The following NMRK2 variants were observed in gnomAD, a reference collection of about 807,000 sequenced individuals.
The protein encoded by NMRK2 is nicotinamide riboside kinase 2.
In NMRK2, 34 loss-of-function variants were observed where a neutral mutation model predicts 24.7. The observed-to-expected ratio is 1.37, with a 90% CI of 1.05 to 1.83. NMRK2 has a LOEUF of 1.83. NMRK2 is among the 40% of genes most tolerant of loss of function. The pLI, the probability that NMRK2 is intolerant of heterozygous loss-of-function variation, is 0.00. For missense variants in NMRK2, 341 were observed against 315.0 expected (o/e 1.08, Z -0.62); for synonymous variants, 145 against 125.6 (o/e 1.15, Z -1.03).
At chr19:3,940,541 G>A (rs569953243) in intron 6 of NMRK2, among the ~76,000 whole-genome samples, 2 of 151,706 alleles carry the variant, frequency 1.3e-5, no homozygotes, top group African/African-American at 4.8e-5. Flanking sequence ...TTTGAGACCA[G>A]CCTGGCCAAC....
chr19:3,936,915 C>A (rs1049483620), intron 3 of NMRK2, among the ~76,000 whole-genome samples: 4 of 152,160 alleles, frequency 2.6e-5, no homozygotes, highest in African/African-American at 9.7e-5. Flanking sequence ...ACAGTGGGGA[C>A]CCCAGTTAGA....
At chr19:3,938,569 T>G (rs770166077) in intron 4 of NMRK2, 34 bp from the exon 5 acceptor site, 1 of 1,488,832 alleles carries the variant, frequency 6.7e-7, no homozygotes, top group South Asian at 1.3e-5. Flanking sequence ...CCCCAGGGTC[T>G]GCCCTCCTGC....
chr19:3,937,989 G>A (rs1447808942), intron 4 of NMRK2, among the ~76,000 whole-genome samples: 43 of 69,028 alleles, frequency 6.2e-4, no homozygotes, highest in Admixed American at 1.3e-3. Context: ...CTCCTGCAAT[G>A]CCCGCTCCCC....
chr19:3,938,251 C>T (rs2039252122), intron 4 of NMRK2, among the ~76,000 whole-genome samples: 2 of 127,170 alleles, frequency 1.6e-5, no homozygotes, highest in African/African-American at 3.0e-5. Context: ...CCCCGGGGTC[C>T]ACCCTCCTGC....
Position 3,933,544 on chromosome 19 carries a change from A to T in NMRK2, c.-128A>T. ...GGCCGCCTCCCCCGGGGCGGCCTCC[A>T]GGCTGCCGAGACCTATAAAGGCGCC... On this transcript the variant is annotated 5_prime_UTR_variant, in exon 2 of 8. Transcript: ENST00000168977. The T allele has an allele frequency of 1.7e-6, 2 of 1,143,304 alleles. No individual in the cohort carries two copies. Among genetic ancestry groups the T allele is most frequent in the Non-Finnish European group, 1.2e-6 (1 of 840,750 alleles). 70.8% of individuals were successfully genotyped at this position (1,143,304 alleles called of 1,614,324 possible).
chr19:3,938,749 T>TA lies in NMRK2; in HGVS notation c.314dup (p.Tyr105Ter). ...CCTCCTCCTGGAAGGCTTCCTGCTCTACAGCTACAAGTAAACATCTGCAGG... is the reference window on the plus strand; with the variant it reads ...CCTCCTCCTGGAAGGCTTCCTGCTCTAACAGCTACAAGTAAACATCTGCAGG... ...HILLLEGFLL[Y>*]SYKPLVDLYS... The change falls in exon 5 of 8, where the codon TAC becomes TAAC. Residue 105 changes from tyrosine to a stop codon, truncating the protein, a stop_gained and frameshift_variant. Transcript: ENST00000168977. LOFTEE classifies it high-confidence loss of function. 6.3e-7 allele frequency: 1 copy of TA among 1,584,120 alleles called. No homozygotes were observed. Among genetic ancestry groups the TA allele is most frequent in the Non-Finnish European group, 8.6e-7 (1 of 1,162,870 alleles).
Position 3,942,259 on chromosome 19 carries a change from C to A in NMRK2, c.679C>A (p.Gln227Lys). The stretch of plus-strand genomic sequence containing the variant: ...AACGGCCAGGCCTGCAGCGTCCCAG[C>A]AGGACAGCATGTGAGCGTTTCCCTA... ...HRTARPAASQ[Q>K]DSM Residue 227 changes from glutamine to lysine, a missense_variant, in exon 8 of 8, where the codon CAG (glutamine) becomes AAG (lysine). Transcript: ENST00000168977. 6.2e-7 allele frequency: 1 copy of A among 1,609,498 alleles called. No homozygotes were observed. Among genetic ancestry groups the A allele is most frequent in the Non-Finnish European group, 8.5e-7 (1 of 1,178,640 alleles).
intron 2 of NMRK2, among the ~76,000 whole-genome samples, chr19:3,934,551 G>A (rs918772778): frequency 1.4e-5 from 1 of 70,098 alleles, no homozygotes; most frequent in Admixed American, 2.1e-4. Flanking sequence ...TTTGTTTTTT[G>A]GGGTTTTTTT....
chr19:3,942,239 C>T lies in NMRK2; in HGVS notation c.659C>T (p.Ala220Val), dbSNP rs745997876. ...GPGRGCGHRT[A>V]RPAASQQDSM ...GGACGCGGATGCGGCCACAGAACGG[C>T]CAGGCCTGCAGCGTCCCAGCAGGAC... Residue 220 changes from alanine (A) to valine (V), a missense_variant, in exon 8 of 8, where the codon GCC (alanine) becomes GTC (valine). Transcript: ENST00000168977. The T allele has an allele frequency of 1.9e-6, 3 of 1,612,092 alleles. No individual in the cohort carries two copies. The highest frequency in any genetic ancestry group is 2.2e-5 in the East Asian group (1 of 44,870).
intron 7 of NMRK2, among the ~76,000 whole-genome samples, chr19:3,941,863 G>A (rs1413230814): frequency 1.3e-5 from 2 of 152,116 alleles, no homozygotes; most frequent in East Asian, 1.9e-4. Context: ...GGCTGGTTTC[G>A]AACTCCTGAC....
Position 3,933,630 on chromosome 19 carries a change from G to C in NMRK2, c.-42G>C. Reference sequence around the variant, plus strand: ...CGCACTGCGTGGTCGCACCCTACCCGGGCTGCCTTGGAAGTCGTCCCCGCC... The same window carrying C: ...CGCACTGCGTGGTCGCACCCTACCCCGGCTGCCTTGGAAGTCGTCCCCGCC... On this transcript the variant is annotated 5_prime_UTR_variant, in exon 2 of 8. Transcript: ENST00000168977. 4 of 1,518,250 alleles carry C rather than the reference G, an allele frequency of 2.6e-6. No individual in the cohort carries two copies. Among genetic ancestry groups the C allele is most frequent in the African/African-American group, 2.8e-5 (2 of 70,570 alleles). 94.0% of individuals were successfully genotyped at this position (1,518,250 alleles called of 1,614,324 possible).
Position 3,942,150 on chromosome 19 carries a change from G to T in NMRK2, c.570G>T (p.Ser190=), listed in dbSNP as rs768503652. ...AAGTCCTGGAAGACATTCAGAACTC[G>T]CTGCTGAACCGCTCCCAGGAATCAG... ...FREVLEDIQN[S]LLNRSQESAP... The change falls in exon 8 of 8, where the codon TCG becomes TCT. Residue 190 remains serine (S), a synonymous_variant. Transcript: ENST00000168977. The T allele has an allele frequency of 1.5e-5, 24 of 1,613,158 alleles. No homozygotes were observed.
intron 2 of NMRK2, among the ~76,000 whole-genome samples, chr19:3,933,954 A>T (rs1599157511): frequency 4.8e-5 from 2 of 41,962 alleles, no homozygotes; most frequent in Non-Finnish European, 7.4e-5. Flanking sequence ...TACTCAGCAT[A>T]AAAAAAAAAT....
chr19:3,936,796 C>T (rs907515901), intron 3 of NMRK2, 131 bp downstream of exon 3: 4 of 692,600 alleles, frequency 5.8e-6, no homozygotes, highest in African/African-American at 1.8e-5. Flanking sequence ...TGCCTGACCC[C>T]TCCTGGGGTC....
At position 3,933,111 on chromosome 19, in the gene NMRK2, G is replaced by GAC. The variant is rs111817707; in HGVS notation, c.-281_-280dup. The GAC allele has an allele frequency of 0.17, 25,931 of 152,226 alleles. 3,095 individuals are homozygous for GAC. The highest frequency in any genetic ancestry group is 0.34 in the African/African-American group (14,074 of 41,264). The allele number at this position is 152,226 out of a possible 1,614,324, so 9.4% of individuals were successfully genotyped here. ...AGGATCTTAAGCCCACCTTGGCCCT[G>GAC]ACCTCGTTGGAAAACGAAGCTCCCC... On this transcript the variant is annotated 5_prime_UTR_variant, in exon 1 of 8. Coordinates refer to ENST00000168977, the MANE Select transcript of NMRK2 (RefSeq NM_170678.3).
At chr19:3,936,421 AAGAATC>A (rs1315615733) in intron 2 of NMRK2, among the ~76,000 whole-genome samples, 148 bp from the exon 3 acceptor site, 3 of 151,988 alleles carry the variant, frequency 2.0e-5, no homozygotes, top group Non-Finnish European at 4.4e-5. Flanking sequence ...AAAAAAGAAA[AAGAATC>A]AGAAAAATCC....
rs753843249 is a variant in NMRK2, at chr19:3,937,254, A to T, written c.132A>T (p.Ile44=). ...QDDFFKPQDQ[I]AVGEDGFKQW... ...CTCTGTTTCAGCCCCAAGACCAAAT[A>T]GCAGTTGGGGAAGACGGCTTCAAAC... The change falls in exon 4 of 8, where the codon ATA becomes ATT. Residue 44 remains isoleucine, a synonymous_variant. Coordinates refer to ENST00000168977, the MANE Select transcript of NMRK2 (RefSeq NM_170678.3). The T allele has an allele frequency of 1.2e-6, 2 of 1,613,164 alleles. No homozygotes were observed. Among genetic ancestry groups the T allele is most frequent in the African/African-American group, 2.7e-5 (2 of 74,786 alleles).
chr19:3,939,362 A>G (rs1333475473), intron 5 of NMRK2, among the ~76,000 whole-genome samples: 1 of 151,262 alleles, frequency 6.6e-6, no homozygotes, highest in East Asian at 2.0e-4. Flanking sequence ...AAAATACAAA[A>G]AATTAGCCAG....
At chr19:3,941,824 G>C (rs1656195234) in intron 7 of NMRK2, among the ~76,000 whole-genome samples, 1 of 150,380 alleles carries the variant, frequency 6.6e-6, no homozygotes, top group East Asian at 2.0e-4. Context: ...TGTATTTTTA[G>C]TAGAGATGGG....
Sources: allele counts gnomAD v4.1 joint callset (sites outside exome capture counted in the v4.1 genomes callset), GRCh38; gene constraint gnomAD v4.1.1; transcripts MANE v1.5; gene names NCBI Gene and HGNC (gene_info 2026-07-23, HGNC 2026-07-21).